Variants in DCAF15 observed in about 807,000 individuals in gnomAD.
DCAF15 encodes the protein DDB1 and CUL4 associated factor 15.
A neutral mutation model predicts 68.0 loss-of-function variants in DCAF15; 24 were observed. The observed-to-expected ratio is 0.35, with a 90% CI of 0.26 to 0.50. DCAF15 has a LOEUF of 0.50. Ranked by LOEUF, DCAF15 falls within the 20% of genes least tolerant of loss-of-function variation. The probability of loss-of-function intolerance (pLI) is 0.98; values close to 1 mark genes in which losing one functional copy is unlikely to be tolerated. For missense variants in DCAF15, 627 were observed against 830.6 expected (o/e 0.75, Z 3.01); for synonymous variants, 376 against 341.6 (o/e 1.10, Z -1.11).
intron 1 of DCAF15, chr19:13,953,261 C>T (rs1035723844): frequency 2.1e-6 from 2 of 964,964 alleles, no homozygotes; most frequent in African/African-American, 1.7e-5. Context: ...GTCTCTCTCC[C>T]CCATCAGTTT....
intron 6 of DCAF15, among the ~76,000 whole-genome samples, chr19:13,957,643 C>T (rs1361875533): frequency 2.6e-5 from 4 of 152,182 alleles, no homozygotes; most frequent in Admixed American, 6.5e-5. Flanking sequence ...CACAGTGGCT[C>T]ATGCCTGTAA....
At chr19:13,957,898 C>T (rs11667546) in intron 6 of DCAF15, among the ~76,000 whole-genome samples, 22,667 of 152,036 alleles carry the variant, frequency 0.15, 1,986 homozygotes, top group East Asian at 0.21. Context: ...AAAAAAAAGA[C>T]GTTTTAATTT....
At chr19:13,957,045 C>T (rs1022531227) in intron 6 of DCAF15, among the ~76,000 whole-genome samples, 6 of 152,214 alleles carry the variant, frequency 3.9e-5, no homozygotes, top group South Asian at 2.1e-4. Flanking sequence ...CGTGAGCCAC[C>T]GCGTCTGGCC....
chr19:13,955,736 C>T (rs1973330476), intron 3 of DCAF15, among the ~76,000 whole-genome samples, 176 bp from the exon 4 acceptor site: 2 of 152,196 alleles, frequency 1.3e-5, no homozygotes, highest in South Asian at 2.1e-4. Flanking sequence ...CTGGTCTCCC[C>T]GACTGGTGAA....
Position 13,952,933 on chromosome 19 carries a change from GC to G in DCAF15, c.132+291del. 3 of 871,254 alleles carry G rather than the reference GC, an allele frequency of 3.4e-6. No homozygotes were observed. In the South Asian group the frequency reaches 5.3e-5, roughly 15 times the overall value. The allele number at this position is 871,254 out of a possible 1,614,324, so 54.0% of individuals were successfully genotyped here. On this transcript the variant is annotated intron_variant, in intron 1 of 12. Transcript: ENST00000254337. ...GGCTCGGAGGGAGGCGACCCCAGAG[GC>G]CGCAGGGAGAATCAGGAGGAAGGGG...
Position 13,959,275 on chromosome 19 carries a change from C to T in DCAF15, c.1015C>T (p.Pro339Ser), listed in dbSNP as rs750637838. ...RRAKEAKGGVPEEARPALCPG... is the reference protein window; with the variant it reads ...RRAKEAKGGVSEEARPALCPG... ...GGCCAAAGAGGCCAAGGGCGGGGTC[C>T]CTGAGGAAGCCCGGCCTGCCCTGTG... Residue 339 changes from proline to serine, a missense_variant, in exon 7 of 13, where the codon CCT (proline) becomes TCT (serine). By Grantham distance (74) the Pro-to-Ser change is moderately conservative. Coordinates refer to ENST00000254337, the MANE Select transcript of DCAF15 (RefSeq NM_138353.4). 8 of 1,611,232 alleles carry T rather than the reference C, an allele frequency of 5.0e-6. No homozygotes were observed. In the Admixed American group the frequency reaches 1.3e-4, roughly 27 times the overall value.
At chr19:13,956,898 G>C (rs967698255) in intron 6 of DCAF15, among the ~76,000 whole-genome samples, 3 of 152,212 alleles carry the variant, frequency 2.0e-5, no homozygotes, top group Admixed American at 6.5e-5. Flanking sequence ...TGGGACTACA[G>C]GCCTGTGCCA....
chr19:13,954,038 G>A (rs1270850261), intron 1 of DCAF15, among the ~76,000 whole-genome samples: 1 of 152,162 alleles, frequency 6.6e-6, no homozygotes, highest in East Asian at 1.9e-4. Context: ...GGGTGATTGG[G>A]GAACTTTCTT....
At chr19:13,960,172 C>G (rs1048207777) in intron 10 of DCAF15, 103 bp downstream of exon 10, 1 of 1,567,128 alleles carries the variant, frequency 6.4e-7, no homozygotes, top group Non-Finnish European at 8.7e-7. Context: ...TGTGCCACAA[C>G]CTGGCTGGGC....
In DCAF15 at chr19:13,959,449, G is replaced by C. The variant is rs778432632; in HGVS notation, c.1189G>C (p.Glu397Gln). Reference sequence around the variant, plus strand: ...CTACACCAAGCTGTACTATGTGCTGGAGTCCGGAGAGGGGACGGAGCCGGA... The same window carrying C: ...CTACACCAAGCTGTACTATGTGCTGCAGTCCGGAGAGGGGACGGAGCCGGA... ...VNYTKLYYVLESGEGTEPEDE... is the reference protein window; with the variant it reads ...VNYTKLYYVLQSGEGTEPEDE... Residue 397 changes from glutamate to glutamine, a missense_variant, in exon 7 of 13, where the codon GAG becomes CAG. By Grantham distance (29) the Glu-to-Gln change is conservative. Around this residue, in one of 3 missense-constraint regions of DCAF15, gnomAD observed 236 missense variants for 225.1 expected, o/e 1.05. Transcript: ENST00000254337. The C allele has an allele frequency of 2.5e-6, 4 of 1,609,872 alleles. No individual in the cohort carries two copies. The highest frequency in any genetic ancestry group is 3.4e-6 in the Non-Finnish European group (4 of 1,178,968).
In DCAF15 at chr19:13,959,691, G is replaced by T. The variant is rs1973519592; in HGVS notation, c.1311+18G>T. Reference sequence around the variant, plus strand: ...CTGTCCAGGTGGGTGTGGGCAGTGGGCGGGCCAAGGACAGTCCCGGGGAGC... The same window carrying T: ...CTGTCCAGGTGGGTGTGGGCAGTGGTCGGGCCAAGGACAGTCCCGGGGAGC... On this transcript the variant is annotated intron_variant, in intron 8 of 12. Transcript: ENST00000254337. 1 of 1,613,224 alleles carries T rather than the reference G, an allele frequency of 6.2e-7. No homozygotes were observed. Among genetic ancestry groups the T allele is most frequent in the Non-Finnish European group, 8.5e-7 (1 of 1,179,794 alleles).
In DCAF15 at chr19:13,954,611, A is replaced by G. The variant is rs768583780; in HGVS notation, c.316A>G (p.Ile106Val). The stretch of plus-strand genomic sequence containing the variant: ...TGGGGATGACGACTTCTCCTTCTAC[A>G]TCTACCATCTGTACTGGTGGGAGTT... ...SSGDDDFSFY[I>V]YHLYWWEFNV... The change falls in exon 3 of 13, where the codon ATC (isoleucine) becomes GTC (valine). Residue 106 changes from isoleucine (I) to valine (V), a missense_variant. This residue lies in a region of DCAF15 where 273 missense variants were observed against 393.7 expected (regional missense o/e 0.69). Transcript: ENST00000254337. 6.2e-7 allele frequency: 1 copy of G among 1,614,084 alleles called. No homozygotes were observed. The highest frequency in any genetic ancestry group is 1.1e-5 in the South Asian group (1 of 91,088).
At chr19:13,958,049 A>G (rs979528971) in intron 6 of DCAF15, among the ~76,000 whole-genome samples, 30 of 152,186 alleles carry the variant, frequency 2.0e-4, no homozygotes, top group African/African-American at 7.2e-4. Context: ...GTCCCCAGAC[A>G]TATCTGGGGC....
chr19:13,952,696 CGAGGGAGGCG>C, intron 1 of DCAF15, 52 bp downstream of exon 1: 2 of 946,340 alleles, frequency 2.1e-6, no homozygotes, highest in Non-Finnish European at 2.5e-6. Flanking sequence ...GGAGTAGGGA[CGAGGGAGGCG>C]GAGGGAGGAG....
intron 10 of DCAF15, 41 bp downstream of exon 10, chr19:13,960,110 C>A (rs563660439): frequency 6.2e-7 from 1 of 1,608,060 alleles, no homozygotes; most frequent in Non-Finnish European, 8.5e-7. Context: ...ACTAGGGGGG[C>A]CACTGGCAGA....
intron 12 of DCAF15, 54 bp from the exon 13 acceptor site, chr19:13,960,886 C>A: frequency 6.2e-7 from 1 of 1,610,910 alleles, no homozygotes; most frequent in Non-Finnish European, 8.5e-7. Flanking sequence ...GAGGGTGTGG[C>A]CGCAGGGCCA....
rs1456899323 is a variant in DCAF15 at position 13,955,939 on chromosome 19, G to A, written c.394G>A (p.Glu132Lys). 1.2e-6 allele frequency: 2 copies of A among 1,613,782 alleles called. No homozygotes were observed. Among genetic ancestry groups the A allele is most frequent in the African/African-American group, 1.3e-5 (1 of 75,042 alleles). The change falls in exon 4 of 13, where the codon GAG (glutamate) becomes AAG (lysine). Residue 132 changes from glutamate (E) to lysine (K), a missense_variant. By Grantham distance (56) the Glu-to-Lys change is moderately conservative. Around this residue, in one of 3 missense-constraint regions of DCAF15, gnomAD observed 273 missense variants for 393.7 expected, o/e 0.69. Coordinates refer to ENST00000254337, the MANE Select transcript of DCAF15 (RefSeq NM_138353.4). ...CCGGCAGGTTCGGCTATTCCAGGAC[G>A]AGGAGATCTACAGCGACCTGTACCT... Reference protein sequence around the residue: ...LVRQVRLFQDEEIYSDLYLTV... With the variant: ...LVRQVRLFQDKEIYSDLYLTV...
intron 1 of DCAF15, chr19:13,953,286 G>A: frequency 1.4e-6 from 1 of 700,274 alleles, no homozygotes; most frequent in Non-Finnish European, 2.3e-6. Flanking sequence ...GCTCTGGAGG[G>A]CAGAAATGTG....
At position 13,956,224 on chromosome 19, in the gene DCAF15, G is replaced by T. The variant is rs763976175; in HGVS notation, c.575G>T (p.Arg192Leu). The T allele has an allele frequency of 2.5e-6, 4 of 1,612,228 alleles. No individual in the cohort carries two copies. The highest frequency in any genetic ancestry group is 2.5e-6 in the Non-Finnish European group (3 of 1,179,828). ...ACCGTGGCCGTGCCACCGCCAGGCC[G>T]CTGTGCTGCTTGCCAGGATGCCAGC... Reference protein sequence around the residue: ...VSTVAVPPPGRCAACQDASRA... With the variant: ...VSTVAVPPPGLCAACQDASRA... The change falls in exon 5 of 13, where the codon CGC becomes CTC. Residue 192 changes from arginine to leucine, a missense_variant. By Grantham distance (102) the Arg-to-Leu change is moderately radical. This residue lies in a region of DCAF15 where 273 missense variants were observed against 393.7 expected (regional missense o/e 0.69). Coordinates refer to ENST00000254337, the MANE Select transcript of DCAF15 (RefSeq NM_138353.4).
Sources: gnomAD v4.1 joint callset for allele counts (sites outside exome capture counted in the v4.1 genomes callset) on GRCh38, gnomAD v4.1.1 for gene constraint, gnomAD v4.1.1 regional missense constraint, MANE v1.5 for transcripts, NCBI Gene and HGNC (gene_info 2026-07-23, HGNC 2026-07-21) for gene names.